Variants in CTNS observed in about 807,000 individuals in gnomAD.
CTNS encodes cystinosin, lysosomal cystine transporter, also known as cystinosin.
A neutral mutation model predicts 43.7 loss-of-function variants in CTNS; 27 were observed. The observed-to-expected ratio is 0.62, with a 90% confidence interval of 0.46 to 0.85. The LOEUF (loss-of-function observed/expected upper bound fraction) is 0.85. CTNS is among the 40% of genes least tolerant of loss of function. CTNS has a pLI of 0.00. For missense variants in CTNS, 457 were observed against 475.4 expected, an observed-to-expected ratio of 0.96 and a Z score of 0.36; for synonymous variants, 187 against 190.6, an observed-to-expected ratio of 0.98 and a Z score of 0.16.
chr17:3,649,374 C>A lies in CTNS; in HGVS notation c.225+443C>A, dbSNP rs575396990. On this transcript the variant is annotated intron_variant, in intron 5 of 11. Coordinates refer to ENST00000046640, the MANE Select transcript of CTNS (RefSeq NM_004937.3). ...GGCTGAGGCAGGAGGATCACTTGAA[C>A]CCAGGAGGCGGAGGTTGGGGTGAGC... Among the ~76,000 whole-genome samples, 193 of 151,828 alleles carry A rather than the reference C, an allele frequency of 1.3e-3. 1 individual carries two copies. Among genetic ancestry groups the A allele is most frequent in the African/African-American group, 4.5e-3 (187 of 41,392 alleles).
At chr17:3,655,640 T>A (rs1255841747) in intron 7 of CTNS, 2 of 443,568 alleles carry the variant, frequency 4.5e-6, no homozygotes, top group Admixed American at 6.9e-5. Flanking sequence ...CAGTCCATCG[T>A]GAATCTCCTC....
intron 3 of CTNS, 35 bp from the exon 4 acceptor site, chr17:3,647,409 C>T (rs777463208): frequency 4.2e-5 from 66 of 1,581,466 alleles, no homozygotes; most frequent in Non-Finnish European, 4.6e-5. Context: ...GAACTCTGAC[C>T]CAGTGCCTCA....
intron 5 of CTNS, among the ~76,000 whole-genome samples, chr17:3,651,794 G>A (rs2075990732): frequency 6.6e-6 from 1 of 151,712 alleles, no homozygotes; most frequent in South Asian, 2.1e-4. Context: ...CCAACATGGT[G>A]AAACCCCGTC....
In CTNS at chr17:3,660,867, G is replaced by A; in HGVS notation, c.*498G>A. On this transcript the variant is annotated 3_prime_UTR_variant, in exon 12 of 12. Coordinates refer to ENST00000046640, the MANE Select transcript of CTNS (RefSeq NM_004937.3). ...TAGGACTTTGGGGTTAGGCCATGGG[G>A]CTCTTTCTCTGAAGGCCACTTTCCT... 1 of 1,392,400 alleles carries A rather than the reference G, an allele frequency of 7.2e-7. No individual in the cohort carries two copies. The highest frequency in any genetic ancestry group is 9.9e-7 in the Non-Finnish European group (1 of 1,013,946). 86.3% of individuals were successfully genotyped at this position (1,392,400 alleles called of 1,614,324 possible).
intron 3 of CTNS, 139 bp downstream of exon 3, chr17:3,640,406 C>A: frequency 3.1e-6 from 3 of 983,418 alleles, no homozygotes; most frequent in Admixed American, 1.7e-5. Context: ...CATGTGGCCA[C>A]TGGGGTGGTG....
At chr17:3,640,103 C>T in intron 2 of CTNS, 85 bp from the exon 3 acceptor site, 3 of 1,095,818 alleles carry the variant, frequency 2.7e-6, no homozygotes, top group Admixed American at 1.7e-5. Flanking sequence ...ATGAGCCATC[C>T]ATGCTCCAGA....
intron 3 of CTNS, among the ~76,000 whole-genome samples, chr17:3,642,437 C>G (rs1597605743): frequency 6.6e-6 from 1 of 152,260 alleles, no homozygotes; most frequent in East Asian, 1.9e-4. Flanking sequence ...CCTGTAATCC[C>G]AGCACTTTGG....
rs71153382 is a variant in CTNS, at chr17:3,661,422, T to TGG, written c.*1057_*1058dup. ...GCTGTCCTTCCTATGGCAGGAGGGG[T>TGG]GGGGGTCCCAGGACGTGCCTCATAC... is the stretch of plus-strand genomic sequence containing the variant. On this transcript the variant is annotated 3_prime_UTR_variant, in exon 12 of 12. Coordinates refer to ENST00000046640, the MANE Select transcript of CTNS (RefSeq NM_004937.3). 1 of 151,398 alleles carries TGG rather than the reference T, an allele frequency of 6.6e-6. No homozygotes were observed. The highest frequency in any genetic ancestry group is 2.1e-4 in the South Asian group (1 of 4,844). 9.4% of individuals were successfully genotyped at this position (151,398 alleles called of 1,614,324 possible). A position where few individuals can be genotyped will look rare whatever the true frequency, so the allele number is the denominator to read the frequency against.
chr17:3,650,131 C>T (rs1423196765), intron 5 of CTNS: 1 of 1,545,544 alleles, frequency 6.5e-7, no homozygotes, highest in South Asian at 1.2e-5. Context: ...TTATATACTG[C>T]AAATATATAC....
chr17:3,648,168 G>A (rs2075889840), intron 4 of CTNS, among the ~76,000 whole-genome samples: 3 of 151,954 alleles, frequency 2.0e-5, no homozygotes. Flanking sequence ...CCCCTTCCTC[G>A]CCTCTCCTGC....
At chr17:3,643,206 C>T (rs573171560) in intron 3 of CTNS, among the ~76,000 whole-genome samples, 11 of 151,702 alleles carry the variant, frequency 7.3e-5, no homozygotes, top group South Asian at 2.1e-4. Context: ...CCCAGCTACT[C>T]GGGAGGCTGA....
rs551633303 is a variant in CTNS, at chr17:3,663,053, A to G, written c.*2684A>G. ...ATGGGCATCTCCAAAGAGTACGATA[A>G]AAACATTTTGTATCAAACTTGTGAT... is the stretch of plus-strand genomic sequence containing the variant. On this transcript the variant is annotated 3_prime_UTR_variant, in exon 12 of 12. Coordinates refer to ENST00000046640, the MANE Select transcript of CTNS (RefSeq NM_004937.3). 6.6e-6 allele frequency: 1 copy of G among 152,382 alleles called. No homozygotes were observed. Among genetic ancestry groups the G allele is most frequent in the Admixed American group, 6.5e-5 (1 of 15,306 alleles). The allele number at this position is 152,382 out of a possible 1,614,324, so 9.4% of individuals were successfully genotyped here.
chr17:3,658,271 AGGAAACAGGAC>A, intron 10 of CTNS, 96 bp downstream of exon 10: 1 of 1,514,062 alleles, frequency 6.6e-7, no homozygotes, highest in Non-Finnish European at 9.0e-7. Flanking sequence ...TGCCGGCGTG[AGGAAACAGGAC>A]GGAAAGCCAC....
rs1028706275 is a variant in CTNS at position 3,660,288 on chromosome 17, C to T, written c.1023C>T (p.Phe341=). 1 of 1,614,246 alleles carries T rather than the reference C, an allele frequency of 6.2e-7. No individual in the cohort carries two copies. Among genetic ancestry groups the T allele is most frequent in the East Asian group, 2.2e-5 (1 of 44,890 alleles). The change falls in exon 12 of 12, where the codon TTC becomes TTT. Residue 341 remains phenylalanine, a synonymous_variant. Transcript: ENST00000046640. The stretch of plus-strand genomic sequence containing the variant: ...CAACCAAGTTTGGACTCGGGGTCTT[C>T]TCCATCGTCTTCGACGTCGTCTTCT... ...GDPTKFGLGV[F]SIVFDVVFFI...
chr17:3,658,203 C>T (rs771554948), intron 10 of CTNS, 28 bp downstream of exon 10: 37 of 1,611,218 alleles, frequency 2.3e-5, no homozygotes, highest in African/African-American at 1.1e-4. Context: ...TTCACATGGC[C>T]GGTGGCAGGA....
chr17:3,660,908 C>A lies in CTNS; in HGVS notation c.*539C>A. On this transcript the variant is annotated 3_prime_UTR_variant, in exon 12 of 12. Coordinates refer to ENST00000046640, the MANE Select transcript of CTNS (RefSeq NM_004937.3). Reference sequence around the variant, plus strand: ...CCACTTTCCTGACGTACTCTCTGTACATAACTCAGCGTCCGTGACTGCAGT... The same window carrying A: ...CCACTTTCCTGACGTACTCTCTGTAAATAACTCAGCGTCCGTGACTGCAGT... The A allele has an allele frequency of 1.0e-6, 1 of 957,704 alleles. No homozygotes were observed. Among genetic ancestry groups the A allele is most frequent in the Non-Finnish European group, 1.6e-6 (1 of 633,082 alleles). 59.3% of individuals were successfully genotyped at this position (957,704 alleles called of 1,614,324 possible).
intron 3 of CTNS, among the ~76,000 whole-genome samples, chr17:3,643,171 G>A (rs1246180721): frequency 2.0e-5 from 3 of 151,912 alleles, no homozygotes; most frequent in Non-Finnish European, 4.4e-5. Context: ...AAAATTAGTC[G>A]GGCGTGGTGG....
chr17:3,650,148 T>C, intron 5 of CTNS: 1 of 1,549,042 alleles, frequency 6.5e-7, no homozygotes, highest in Non-Finnish European at 8.7e-7. Flanking sequence ...ATACACTTTT[T>C]ATTTGTCAAT....
intron 6 of CTNS, 29 bp downstream of exon 6, chr17:3,655,130 C>T (rs1364080103): frequency 1.9e-6 from 3 of 1,613,598 alleles, no homozygotes; most frequent in African/African-American, 1.3e-5. Flanking sequence ...GTGCGGGCCT[C>T]ACGTGACAAG....
Sources: gnomAD v4.1 joint callset for allele counts (sites outside exome capture counted in the v4.1 genomes callset) on GRCh38, gnomAD v4.1.1 for gene constraint, MANE v1.5 for transcripts, NCBI Gene and HGNC (gene_info 2026-07-23, HGNC 2026-07-21) for gene names.